The following TMPRSS15 variants were observed in gnomAD, a reference collection of about 807,000 sequenced individuals.
The protein encoded by TMPRSS15 is enteropeptidase.
TMPRSS15 carries 128 observed loss-of-function variants against 125.3 expected under a neutral mutation model. The observed-to-expected ratio is 1.02, with a 90% CI of 0.89 to 1.18. TMPRSS15 has a LOEUF of 1.18. TMPRSS15 is among the 50% of genes most tolerant of loss of function. The pLI, the probability that TMPRSS15 is intolerant of heterozygous loss-of-function variation, is 0.00. For missense variants in TMPRSS15, 1,283 were observed against 1,212.7 expected, an observed-to-expected ratio of 1.06 and a Z score of -0.86; for synonymous variants, 446 against 423.2, an observed-to-expected ratio of 1.05 and a Z score of -0.66.
chr21:18,443,894 G>T (rs1313152336), intron 1 of TMPRSS15, among the ~76,000 whole-genome samples: 1 of 152,300 alleles, frequency 6.6e-6, no homozygotes, highest in South Asian at 2.1e-4. Flanking sequence ...TGTTGTGGCG[G>T]GAAGCACCTG....
chr21:18,484,732 G>T (rs559253854), intron 1 of TMPRSS15, among the ~76,000 whole-genome samples: 1 of 151,736 alleles, frequency 6.6e-6, no homozygotes, highest in African/African-American at 2.4e-5. Flanking sequence ...TTATATATGG[G>T]TGAATCTGTT....
At chr21:18,440,056 C>T (rs549021318) in intron 1 of TMPRSS15, among the ~76,000 whole-genome samples, 14 of 152,256 alleles carry the variant, frequency 9.2e-5, no homozygotes, top group African/African-American at 3.1e-4. Flanking sequence ...ACACATTTTA[C>T]CTATGTGGAA....
chr21:18,447,255 C>A (rs1242942706), intron 1 of TMPRSS15, among the ~76,000 whole-genome samples: 1 of 151,532 alleles, frequency 6.6e-6, no homozygotes, highest in South Asian at 2.1e-4. Context: ...ACCAGCCTGG[C>A]CAATATGGTG....
At position 18,432,390 on chromosome 21, in the gene TMPRSS15, G is replaced by A. The variant is rs569068451; in HGVS notation, c.11-34061C>T. On this transcript the variant is annotated intron_variant, in intron 1 of 7. Coordinates refer to the TMPRSS15 transcript ENST00000422787. ...CATGTTAAGGGTTGAATTGTGCCTT[G>A]CCAAAATACACATGTTGAAGTCCTA... Among the ~76,000 whole-genome samples, 14 of 152,166 alleles carry A rather than the reference G, an allele frequency of 9.2e-5. No individual in the cohort carries two copies. The East Asian group carries it at 2.1e-3, about 23-fold the overall frequency.
intron 8 of TMPRSS15, among the ~76,000 whole-genome samples, chr21:18,356,249 CG>C (rs1953334997): frequency 6.6e-6 from 1 of 151,694 alleles, no homozygotes; most frequent in African/African-American, 2.4e-5. Context: ...CGGCAATGGA[CG>C]GGGAAGACCA....
intron 16 of TMPRSS15, among the ~76,000 whole-genome samples, chr21:18,323,954 A>G: frequency 6.6e-6 from 1 of 152,188 alleles, no homozygotes. Context: ...AATTGAGAGA[A>G]ATATAAAGCT....
At chr21:18,360,139 T>C (rs2075666428) in intron 7 of TMPRSS15, among the ~76,000 whole-genome samples, 2 of 152,092 alleles carry the variant, frequency 1.3e-5, no homozygotes, top group South Asian at 4.1e-4. Context: ...CATTCTCCTT[T>C]CATTTCCATG....
intron 1 of TMPRSS15, among the ~76,000 whole-genome samples, chr21:18,463,525 C>T (rs1021751970): frequency 6.6e-6 from 1 of 151,966 alleles, no homozygotes; most frequent in Non-Finnish European, 1.5e-5. Flanking sequence ...ACCCCACTGT[C>T]GCTATTAGAG....
At chr21:18,279,093 CGAAGAAAAAGAAAGAACAG>C (rs780634629) in intron 22 of TMPRSS15, 34 bp from the exon 23 acceptor site, 1 of 1,117,704 alleles carries the variant, frequency 8.9e-7, no homozygotes, top group Non-Finnish European at 1.4e-6. Flanking sequence ...AACGAACAAA[CGAAGAAAAAGAAAGAACAG>C]ATTTACAAGC....
intron 1 of TMPRSS15, 91 bp downstream of exon 1, chr21:18,403,387 C>T: frequency 6.5e-7 from 1 of 1,540,766 alleles, no homozygotes; most frequent in Non-Finnish European, 9.0e-7. Context: ...ATTTAGTTGG[C>T]AATGAATAAA....
rs527832914 is a variant in TMPRSS15, at chr21:18,281,142, G to C, written c.2566C>G (p.Pro856Ala). The change falls in exon 22 of 25, where the codon CCT becomes GCT. Residue 856 changes from proline to alanine, a missense_variant. Transcript: ENST00000284885. The stretch of plus-strand genomic sequence containing the variant: ...ATGACAATTTCATCTATTAATCGAG[G>C]GACTGTTTGAGGAGAGGTCAGATTT... The part of the protein sequence containing the change: ...KSNLTSPQTV[P>A]RLIDEIVINP... 1.2e-6 allele frequency: 2 copies of C among 1,613,844 alleles called. No individual in the cohort carries two copies. Among genetic ancestry groups the C allele is most frequent in the East Asian group, 4.5e-5 (2 of 44,840 alleles).
At chr21:18,274,553 G>T (rs2074597904) in intron 24 of TMPRSS15, among the ~76,000 whole-genome samples, 1 of 152,224 alleles carries the variant, frequency 6.6e-6, no homozygotes, top group East Asian at 1.9e-4. Context: ...CAAATTTATT[G>T]CAATATTGAC....
intron 1 of TMPRSS15, among the ~76,000 whole-genome samples, chr21:18,449,877 GCACACACACA>G (rs3082204): frequency 6.8e-6 from 1 of 147,512 alleles, no homozygotes; most frequent in African/African-American, 2.5e-5. Flanking sequence ...ACACACACAC[GCACACACACA>G]CACACACACA....
At chr21:18,392,013 A>T (rs1349608738) in intron 3 of TMPRSS15, among the ~76,000 whole-genome samples, 1 of 152,146 alleles carries the variant, frequency 6.6e-6, no homozygotes, top group Non-Finnish European at 1.5e-5. Context: ...GACGCAGGGC[A>T]CCAAGCCCCA....
In TMPRSS15 at chr21:18,294,373, C is replaced by T. The variant is rs570651162; in HGVS notation, c.2383G>A (p.Ala795Thr). 87 of 1,614,246 alleles carry T rather than the reference C, an allele frequency of 5.4e-5. No homozygotes were observed. In the East Asian group the frequency reaches 1.8e-3, roughly 33 times the overall value. The change falls in exon 21 of 25, where the codon GCC becomes ACC. Residue 795 changes from alanine (A) to threonine (T), a missense_variant. Coordinates refer to ENST00000284885, the MANE Select transcript of TMPRSS15 (RefSeq NM_002772.3). ...TACAGACCCACAACCCAGGGCCAGG[C>T]CCCTTCTTTGGCATTACTTCCTCCA... ...IVGGSNAKEG[A>T]WPWVVGLYYG...
At chr21:18,311,626 A>G (rs1347240289) in intron 18 of TMPRSS15, among the ~76,000 whole-genome samples, 1 of 152,188 alleles carries the variant, frequency 6.6e-6, no homozygotes, top group Non-Finnish European at 1.5e-5. Flanking sequence ...GAACACCCAT[A>G]GACTGTTGGG....
intron 13 of TMPRSS15, among the ~76,000 whole-genome samples, chr21:18,334,508 T>C (rs1304663156): frequency 6.6e-6 from 1 of 152,182 alleles, no homozygotes; most frequent in Non-Finnish European, 1.5e-5. Context: ...TGGAGACAAC[T>C]AGATATATAT....
rs1489447042 is a variant in TMPRSS15, at chr21:18,281,037, T to A, written c.2668+3A>T. ...ATGACTAAGAGTGATTTTTTTTTTTTACCTGTGTAATTCACTTTAAATTCC... is the reference window on the plus strand; with the variant it reads ...ATGACTAAGAGTGATTTTTTTTTTTAACCTGTGTAATTCACTTTAAATTCC... On this transcript the variant is annotated splice_donor_region_variant and intron_variant, in intron 22 of 24. Transcript: ENST00000284885. 3 of 1,610,406 alleles carry A rather than the reference T, an allele frequency of 1.9e-6. No individual in the cohort carries two copies. Among genetic ancestry groups the A allele is most frequent in the Non-Finnish European group, 1.7e-6 (2 of 1,179,214 alleles).
chr21:18,336,627 A>T (rs371058548), intron 13 of TMPRSS15, among the ~76,000 whole-genome samples: 7 of 152,336 alleles, frequency 4.6e-5, no homozygotes, highest in Admixed American at 6.5e-5. Context: ...AATCCAGACA[A>T]TGAGAGCTCA....
Sources: allele counts gnomAD v4.1 joint callset (sites outside exome capture counted in the v4.1 genomes callset), GRCh38; gene constraint gnomAD v4.1.1; transcripts MANE v1.5; gene names NCBI Gene and HGNC (gene_info 2026-07-23, HGNC 2026-07-21).